Variants in TP63 observed in about 807,000 individuals in gnomAD.
TP63 encodes tumor protein p63, also known as tumor protein 63.
Under a neutral mutation model 82.8 loss-of-function variants are expected in TP63, and 17 were observed. The observed-to-expected ratio is 0.21, with a 90% confidence interval of 0.14 to 0.31. The LOEUF (loss-of-function observed/expected upper bound fraction) is 0.31. Among genes scored for constraint, TP63 ranks in the 10% least tolerant of loss-of-function variants. The pLI, the probability that TP63 is intolerant of heterozygous loss-of-function variation, is 1.00. For missense variants in TP63, 648 were observed against 895.3 expected (o/e 0.72, Z 3.52); for synonymous variants, 330 against 321.7 (o/e 1.03, Z -0.28).
chr3:189,789,705 A>G (rs1724928069), intron 3 of TP63: 9 of 1,434,800 alleles, frequency 6.3e-6, no homozygotes, highest in Non-Finnish European at 8.3e-6. Flanking sequence ...TATCTTCTTA[A>G]GTAGATTCAT....
intron 3 of TP63, among the ~76,000 whole-genome samples, chr3:189,752,813 G>A (rs1177989333): frequency 2.0e-5 from 3 of 151,958 alleles, no homozygotes; most frequent in African/African-American, 7.2e-5. Flanking sequence ...ATTAGACACT[G>A]CTTTAGCTGC....
chr3:189,682,784 A>G (rs1004820876), intron 1 of TP63, among the ~76,000 whole-genome samples: 3 of 151,980 alleles, frequency 2.0e-5, no homozygotes, highest in Non-Finnish European at 4.4e-5. Flanking sequence ...ATATAGTGCC[A>G]GGGTTCCCTT....
chr3:189,813,821 A>G (rs1477000037), intron 4 of TP63, among the ~76,000 whole-genome samples: 1 of 152,168 alleles, frequency 6.6e-6, no homozygotes, highest in African/African-American at 2.4e-5. Context: ...TAAAGGAAAC[A>G]ATTGTAGTTC....
chr3:189,705,685 T>G (rs1240737036), intron 1 of TP63, among the ~76,000 whole-genome samples: 3 of 152,002 alleles, frequency 2.0e-5, no homozygotes, highest in Non-Finnish European at 4.4e-5. Context: ...TTTAGAAAAT[T>G]TAAAAGGAAT....
At chr3:189,673,031 G>A (rs932408988) in intron 1 of TP63, among the ~76,000 whole-genome samples, 1 of 152,082 alleles carries the variant, frequency 6.6e-6, no homozygotes, top group African/African-American at 2.4e-5. Flanking sequence ...AGTAGGGACA[G>A]GGTTTCACCA....
At chr3:189,644,229 G>T (rs765094912) in intron 1 of TP63, among the ~76,000 whole-genome samples, 2 of 147,136 alleles carry the variant, frequency 1.4e-5, no homozygotes, top group African/African-American at 2.5e-5. Flanking sequence ...CCCCCAGCTT[G>T]CACCAAGTCC....
At chr3:189,853,936 G>T (rs1290769995) in intron 4 of TP63, among the ~76,000 whole-genome samples, 1 of 152,136 alleles carries the variant, frequency 6.6e-6, no homozygotes, top group African/African-American at 2.4e-5. Context: ...TCTGCCTCTA[G>T]ACTGTGAGCA....
intron 3 of TP63, among the ~76,000 whole-genome samples, chr3:189,795,568 C>G (rs1479706343): frequency 7.2e-5 from 11 of 151,798 alleles, no homozygotes; most frequent in Non-Finnish European, 1.6e-4. Flanking sequence ...TATAAAAATA[C>G]AAGGGAGGAC....
chr3:189,734,020 T>C (rs1170093578), intron 1 of TP63, among the ~76,000 whole-genome samples: 1 of 152,048 alleles, frequency 6.6e-6, no homozygotes, highest in African/African-American at 2.4e-5. Flanking sequence ...CATAGTTTTC[T>C]TCCTTTCTTT....
chr3:189,832,203 G>A (rs1308495855), intron 4 of TP63, among the ~76,000 whole-genome samples: 1 of 152,024 alleles, frequency 6.6e-6, no homozygotes, highest in African/African-American at 2.4e-5. Context: ...TCCTCTTGGG[G>A]TTTTTCTAAA....
chr3:189,878,978 T>C (rs1719597655), intron 10 of TP63, among the ~76,000 whole-genome samples: 1 of 151,686 alleles, frequency 6.6e-6, no homozygotes, highest in Non-Finnish European at 1.5e-5. Context: ...GGCAGAGATT[T>C]ATTATCTCTG....
intron 1 of TP63, among the ~76,000 whole-genome samples, chr3:189,725,062 T>C (rs1438224007): frequency 6.6e-6 from 1 of 152,216 alleles, no homozygotes; most frequent in African/African-American, 2.4e-5. Context: ...TATCAGACTT[T>C]ACTGCTAGAT....
intron 10 of TP63, among the ~76,000 whole-genome samples, chr3:189,878,649 A>AC (rs1719541601): frequency 6.6e-6 from 1 of 151,150 alleles, no homozygotes; most frequent in Non-Finnish European, 1.5e-5. Context: ...GGCTGGTCTC[A>AC]AACCCCTGAC....
At chr3:189,670,747 CTA>C (rs1406704857) in intron 1 of TP63, among the ~76,000 whole-genome samples, 7 of 151,974 alleles carry the variant, frequency 4.6e-5, no homozygotes, top group Admixed American at 2.6e-4. Context: ...AGAAATAAAT[CTA>C]TGTGTTTGCA....
chr3:189,825,850 A>C (rs1246723182), intron 4 of TP63, among the ~76,000 whole-genome samples: 1 of 152,140 alleles, frequency 6.6e-6, no homozygotes, highest in Non-Finnish European at 1.5e-5. Flanking sequence ...TTTGGAAAGA[A>C]AGTTAGGGGT....
At chr3:189,874,700 G>A (rs934089722) in intron 10 of TP63, among the ~76,000 whole-genome samples, 1 of 152,058 alleles carries the variant, frequency 6.6e-6, no homozygotes. Flanking sequence ...TGGATGTTTT[G>A]GGATATCAGA....
intron 4 of TP63, among the ~76,000 whole-genome samples, chr3:189,814,468 A>T (rs1727944619): frequency 6.6e-6 from 1 of 152,184 alleles, no homozygotes; most frequent in South Asian, 2.1e-4. Flanking sequence ...TGTTTATCAT[A>T]ACAAGATAAT....
At chr3:189,856,300 G>T (rs988023490) in intron 4 of TP63, among the ~76,000 whole-genome samples, 4 of 151,274 alleles carry the variant, frequency 2.6e-5, no homozygotes, top group African/African-American at 7.3e-5. Flanking sequence ...TGATATACTG[G>T]TTATGAGGAC....
chr3:189,600,958 C>G, the TP63 span, among the ~76,000 whole-genome samples: 3 of 152,280 alleles, frequency 2.0e-5, no homozygotes, highest in South Asian at 2.1e-4. Context: ...TATAGAGAAA[C>G]TAATTGAATC....
Sources: gnomAD v4.1 joint callset for allele counts (sites outside exome capture counted in the v4.1 genomes callset) on GRCh38, gnomAD v4.1.1 for gene constraint, MANE v1.5 for transcripts, NCBI Gene and HGNC (gene_info 2026-07-23, HGNC 2026-07-21) for gene names.